Variants in VRK3 observed in about 807,000 individuals in gnomAD.
The protein encoded by VRK3 is serine/threonine-protein kinase VRK3.
Under a neutral mutation model 60.4 loss-of-function variants are expected in VRK3, and 50 were observed. That is an observed-to-expected ratio of 0.83 (90% CI 0.66 to 1.05). The LOEUF is 1.05. VRK3 is among the 50% of genes least tolerant of loss of function. The pLI is 0.00. For synonymous variants in VRK3, 246 were observed against 227.8 expected (o/e 1.08, Z -0.72); for missense variants, 549 against 585.3 (o/e 0.94, Z 0.64).
rs2076334455 is a variant in VRK3 at position 49,976,546 on chromosome 19, A to C, written c.*250T>G. ...CCCCCCTGTGGGCCGGCCCAACCCCATCCAGCTTTGCTAGGACACTGGCTG... is the reference window on the plus strand; with the variant it reads ...CCCCCCTGTGGGCCGGCCCAACCCCCTCCAGCTTTGCTAGGACACTGGCTG... On this transcript the variant is annotated 3_prime_UTR_variant, in exon 15 of 15. Transcript: ENST00000316763. The C allele has an allele frequency of 6.6e-6, 1 of 152,666 alleles. No homozygotes were observed. Among genetic ancestry groups the C allele is most frequent in the South Asian group, 2.1e-4 (1 of 4,838 alleles). 9.5% of individuals were successfully genotyped at this position (152,666 alleles called of 1,614,324 possible).
Position 50,016,131 on chromosome 19 carries a change from C to CT in VRK3, c.31dup (p.Ser11LysfsTer47). 6.2e-7 allele frequency: 1 copy of CT among 1,614,216 alleles called. No individual in the cohort carries two copies. Among genetic ancestry groups the CT allele is most frequent in the South Asian group, 1.1e-5 (1 of 91,084 alleles). On this transcript the variant is annotated frameshift_variant, in exon 3 of 15. Coordinates refer to ENST00000316763, the MANE Select transcript of VRK3 (RefSeq NM_016440.4). LOFTEE classifies it high-confidence loss of function. ...GCAGAATTTGAATGCCGCTTGGATA[C>CT]TTTTGCCACAGTCTGGACAGAAGGA...
intron 9 of VRK3, among the ~76,000 whole-genome samples, chr19:49,994,302 A>T (rs1261297221): frequency 2.0e-5 from 3 of 152,018 alleles, no homozygotes; most frequent in African/African-American, 7.2e-5. Flanking sequence ...CACAGAAACC[A>T]TGTTTATGCT....
In VRK3 at chr19:49,979,107, G is replaced by A. The variant is rs773743665; in HGVS notation, c.1412C>T (p.Pro471Leu). The stretch of plus-strand genomic sequence containing the variant: ...CCTGGATTCCACCTAGGGCACCATC[G>A]GGAGGCCAATGGGGTCATATGGAGA... ...RVSPYDPIGL[P>L]MVP The change falls in exon 14 of 15, where the codon CCG (proline) becomes CTG (leucine). Residue 471 changes from proline (P) to leucine (L), a missense_variant. Pro to Leu is a moderately conservative substitution (Grantham distance 98). Coordinates refer to ENST00000316763, the MANE Select transcript of VRK3 (RefSeq NM_016440.4). 4.3e-6 allele frequency: 7 copies of A among 1,609,854 alleles called. No individual in the cohort carries two copies. The highest frequency in any genetic ancestry group is 2.7e-5 in the African/African-American group (2 of 74,774).
chr19:49,992,747 G>T, intron 10 of VRK3, 113 bp downstream of exon 10: 1 of 939,084 alleles, frequency 1.1e-6, no homozygotes, highest in African/African-American at 1.6e-5. Flanking sequence ...CTTTATATAT[G>T]ATGGACAGCA....
intron 6 of VRK3, chr19:49,998,502 A>C (rs927982018): frequency 1.3e-5 from 2 of 151,638 alleles, no homozygotes; most frequent in Non-Finnish European, 2.9e-5. Context: ...AAAAGCACCA[A>C]ATATTTTAAT....
chr19:50,001,572 G>T (rs1261334884), intron 5 of VRK3, among the ~76,000 whole-genome samples: 1 of 152,188 alleles, frequency 6.6e-6, no homozygotes, highest in Admixed American at 6.5e-5. Context: ...CCCTCCTTGG[G>T]TTCTGATCCC....
chr19:50,024,250 T>C (rs1236202388), intron 1 of VRK3, among the ~76,000 whole-genome samples: 2 of 152,170 alleles, frequency 1.3e-5, no homozygotes. Context: ...ATTTTTTGGA[T>C]TTTAGAACCT....
intron 3 of VRK3, 47 bp downstream of exon 3, chr19:50,015,977 G>A (rs1277747550): frequency 1.2e-6 from 2 of 1,612,998 alleles, no homozygotes; most frequent in South Asian, 1.1e-5. Flanking sequence ...ACACGTGTAT[G>A]CACCTTATTC....
In VRK3 at chr19:50,007,554, A is replaced by G. The variant is rs375841402; in HGVS notation, c.547+15T>C. 3.1e-6 allele frequency: 5 copies of G among 1,613,174 alleles called. No individual in the cohort carries two copies. In the African/African-American group the frequency reaches 6.7e-5, roughly 22 times the overall value. ...GAGACGACCCAGTCCCTGGCCGCCCATGGACAGAGTGTACCTTCATAGAGA... is the reference window on the plus strand; with the variant it reads ...GAGACGACCCAGTCCCTGGCCGCCCGTGGACAGAGTGTACCTTCATAGAGA... On this transcript the variant is annotated intron_variant, in intron 5 of 14. Transcript: ENST00000316763.
At chr19:50,011,731 G>A (rs1057410654) in intron 3 of VRK3, among the ~76,000 whole-genome samples, 3 of 149,574 alleles carry the variant, frequency 2.0e-5, no homozygotes, top group African/African-American at 7.5e-5. Context: ...CACTCCTCCA[G>A]TGTGTAGTTA....
intron 14 of VRK3, 157 bp downstream of exon 14, chr19:49,978,925 GA>G (rs1440465641): frequency 6.3e-6 from 4 of 631,408 alleles, no homozygotes; most frequent in African/African-American, 1.9e-5. Context: ...TTGAGGCTGG[GA>G]AGTTCAAGGA....
intron 3 of VRK3, among the ~76,000 whole-genome samples, chr19:50,011,745 C>T: frequency 6.7e-6 from 1 of 148,420 alleles, no homozygotes. Flanking sequence ...GTAGTTAAAA[C>T]CAAACTCCCT....
At chr19:50,019,673 CCTTTTTTTTTTTT>C (rs2077136428) in intron 2 of VRK3, among the ~76,000 whole-genome samples, 2 of 75,372 alleles carry the variant, frequency 2.7e-5, no homozygotes, top group South Asian at 4.4e-4. Flanking sequence ...CCATGCCTGG[CCTTTTTTTTTTTT>C]TTTTTTTTTT....
rs550702273 is a variant in VRK3 at position 49,997,477 on chromosome 19, C to T, written c.679+27G>A. ...AAGTTGGCGCCCCCCTCACTCTCCC[C>T]TCCTTGCCCAGTTCCCTGTCAGGTA... On this transcript the variant is annotated intron_variant, in intron 7 of 14. Transcript: ENST00000316763. The T allele has an allele frequency of 3.1e-6, 5 of 1,612,518 alleles. No homozygotes were observed. The South Asian group carries it at 3.3e-5, about 11-fold the overall frequency.
intron 1 of VRK3, among the ~76,000 whole-genome samples, chr19:50,021,985 C>G (rs961121842): frequency 3.3e-5 from 5 of 151,894 alleles, no homozygotes; most frequent in Non-Finnish European, 7.4e-5. Flanking sequence ...AAGCGGCGAG[C>G]CAGACACATG....
rs186575630 is a variant in VRK3 at position 49,980,073 on chromosome 19, T to A, written c.1277-831A>T. 4.2e-3 allele frequency among the ~76,000 whole-genome samples: 629 copies of A among 149,104 alleles called. 5 individuals are homozygous for A. The highest frequency in any genetic ancestry group is 0.012 in the African/African-American group (484 of 38,822). ...TCAAAAAAAATAATAAAATAAATTT[T>A]AAAAAAATAAATAATTAAAAAATGA... On this transcript the variant is annotated intron_variant, in intron 13 of 14. Coordinates refer to ENST00000316763, the MANE Select transcript of VRK3 (RefSeq NM_016440.4).
chr19:49,976,819 T>C (rs2076337979), intron 14 of VRK3, 35 bp from the exon 15 acceptor site: 1 of 152,236 alleles, frequency 6.6e-6, no homozygotes, highest in South Asian at 2.1e-4. Flanking sequence ...AGTGTCTCAT[T>C]CATTCAAGGA....
intron 10 of VRK3, among the ~76,000 whole-genome samples, chr19:49,990,740 CCT>C (rs1178002168): frequency 6.6e-6 from 1 of 151,944 alleles, no homozygotes; most frequent in African/African-American, 2.4e-5. Flanking sequence ...TCCCCGGCTC[CCT>C]GTTTTTCTGT....
chr19:49,985,973 G>A (rs183682770), intron 12 of VRK3, among the ~76,000 whole-genome samples: 187 of 152,340 alleles, frequency 1.2e-3, no homozygotes, highest in African/African-American at 4.3e-3. Flanking sequence ...ACGAGAGCAC[G>A]CAGCTCAGAG....
Sources: gnomAD v4.1 joint callset for allele counts (sites outside exome capture counted in the v4.1 genomes callset) on GRCh38, gnomAD v4.1.1 for gene constraint, MANE v1.5 for transcripts, NCBI Gene and HGNC (gene_info 2026-07-23, HGNC 2026-07-21) for gene names.